The following PCDHGA4 variants were observed in gnomAD, a reference collection of about 807,000 sequenced individuals.
PCDHGA4 encodes the protein protocadherin gamma-A4.
PCDHGA4 carries 38 observed loss-of-function variants against 54.6 expected under a neutral mutation model. The observed-to-expected ratio is 0.70, with a 90% CI of 0.54 to 0.91. The LOEUF (loss-of-function observed/expected upper bound fraction) is 0.91, where lower values mean the gene tolerates loss of function less well. PCDHGA4 is among the 40% of genes least tolerant of loss of function. The pLI is 0.00. For missense variants in PCDHGA4, 1,298 were observed against 1,220.9 expected (o/e 1.06, Z -0.94); for synonymous variants, 511 against 512.9 (o/e 1.00, Z 0.05).
At chr5:141,377,892 CT>C (rs946360367) in intron 1 of PCDHGA4, 2 of 152,170 alleles carry the variant, frequency 1.3e-5, no homozygotes, top group Non-Finnish European at 2.9e-5. Context: ...TAGGATCCCC[CT>C]CTGTTGCCCA....
chr5:141,433,305 C>T, intron 1 of PCDHGA4: 1 of 931,032 alleles, frequency 1.1e-6, no homozygotes, highest in Non-Finnish European at 1.6e-6. Flanking sequence ...GCAATTATCC[C>T]ACCTTTGCCT....
In PCDHGA4 at chr5:141,491,856, C is replaced by A. The variant is rs754113958; in HGVS notation, c.2515-2951C>A. On this transcript the variant is annotated intron_variant, in intron 1 of 3. Coordinates refer to ENST00000571252, the MANE Select transcript of PCDHGA4 (RefSeq NM_018917.4). This position sits in a 1 kb window ranked among gnomAD's most constrained non-coding sequence, Gnocchi z 6.9. ...TCTCGGGATCATTGGACCGTTTGCG[C>A]GAAACCAGAGTGGCCGATTAAGGGA... 6.9e-7 allele frequency: 1 copy of A among 1,458,728 alleles called. No individual in the cohort carries two copies. The highest frequency in any genetic ancestry group is 9.1e-7 in the Non-Finnish European group (1 of 1,103,072). The allele number at this position is 1,458,728 out of a possible 1,614,324, so 90.4% of individuals were successfully genotyped here. A position where few individuals can be genotyped will look rare whatever the true frequency, so the allele number is the denominator to read the frequency against.
chr5:141,468,458 G>A (rs1047447240), intron 1 of PCDHGA4: 3 of 152,134 alleles, frequency 2.0e-5, no homozygotes, highest in African/African-American at 7.2e-5. Flanking sequence ...ATTAAAGCAA[G>A]TTATTTCTGA....
intron 1 of PCDHGA4, chr5:141,419,197 T>C (rs560134083): frequency 1.2e-6 from 2 of 1,613,966 alleles, no homozygotes; most frequent in South Asian, 1.1e-5. Flanking sequence ...CTGACGTCAA[T>C]GACAACGCGC....
chr5:141,355,698 C>G lies in PCDHGA4; in HGVS notation c.591C>G (p.Ser197=), dbSNP rs781213427. ...EAFDPDVGVN[S]LQGYQLNSNG... is the part of the protein sequence containing the mutation. The stretch of plus-strand genomic sequence containing the variant: ...TTGATCCGGATGTAGGTGTAAACTC[C>G]CTGCAGGGTTACCAGCTCAACTCAA... The change falls in exon 1 of 4, where the codon TCC becomes TCG. Residue 197 remains serine, a synonymous_variant. Transcript: ENST00000571252. 6.2e-7 allele frequency: 1 copy of G among 1,613,810 alleles called. No individual in the cohort carries two copies. Among genetic ancestry groups the G allele is most frequent in the Non-Finnish European group, 8.5e-7 (1 of 1,179,880 alleles).
intron 1 of PCDHGA4, chr5:141,423,195 G>A: frequency 1.2e-6 from 2 of 1,613,544 alleles, no homozygotes; most frequent in Non-Finnish European, 8.5e-7. Flanking sequence ...CCCCTCTCTC[G>A]GCCACCGTCA....
At position 141,390,019 on chromosome 5, in the gene PCDHGA4, G is replaced by A. The variant is rs1047341984; in HGVS notation, c.2514+32398G>A. The A allele has an allele frequency of 1.9e-6, 3 of 1,614,002 alleles. No individual in the cohort carries two copies. Among genetic ancestry groups the A allele is most frequent in the Non-Finnish European group, 2.5e-6 (3 of 1,179,896 alleles). Reference sequence around the variant, plus strand: ...GCCATGATTCTGGCCATTGCCTTGCGCCTGCGACGCTCCTCCAGCCCCGCC... The same window carrying A: ...GCCATGATTCTGGCCATTGCCTTGCACCTGCGACGCTCCTCCAGCCCCGCC... On this transcript the variant is annotated intron_variant, in intron 1 of 3. Transcript: ENST00000571252.
In PCDHGA4 at chr5:141,471,046, CTTT is replaced by C. The variant is rs1170588345; in HGVS notation, c.2515-23743_2515-23741del. ...ATTTTTATTAACAAGCCCAAGCCCT[CTTT>C]TTTTTTTTTTTTTTTTTGAGACAGG... On this transcript the variant is annotated intron_variant, in intron 1 of 3. Coordinates refer to ENST00000571252, the MANE Select transcript of PCDHGA4 (RefSeq NM_018917.4). 4.8e-4 allele frequency among the ~76,000 whole-genome samples: 54 copies of C among 113,240 alleles called. 1 individual carries two copies. Among genetic ancestry groups the C allele is most frequent in the Middle Eastern group, 5.2e-3 (1 of 192 alleles). 74.3% of individuals were successfully genotyped at this position (113,240 alleles called of 152,430 possible).
Position 141,477,662 on chromosome 5 carries a change from A to G in PCDHGA4, c.2515-17145A>G. On this transcript the variant is annotated intron_variant, in intron 1 of 3. Transcript: ENST00000571252. The surrounding 1 kb of genome is among the most constrained non-coding windows in gnomAD (Gnocchi z 4.9). ...TCGCTATTTCACAATAAATCGTGAC[A>G]ATGGCATAGTGTCATCCTTAGTGCC... The G allele has an allele frequency of 6.2e-7, 1 of 1,614,222 alleles. No individual in the cohort carries two copies.
chr5:141,500,501 G>T (rs571735791), intron 2 of PCDHGA4, among the ~76,000 whole-genome samples: 6 of 152,176 alleles, frequency 3.9e-5, no homozygotes, highest in Non-Finnish European at 8.8e-5. Context: ...GAGCCACCGC[G>T]CCTGGCCGAG....
chr5:141,499,725 C>T (rs554409998), intron 2 of PCDHGA4, among the ~76,000 whole-genome samples: 3 of 138,474 alleles, frequency 2.2e-5, no homozygotes, highest in African/African-American at 5.4e-5. Context: ...GACAGAGTCT[C>T]ACTCTCTTGC....
rs1368632691 is a variant in PCDHGA4 at position 141,485,071 on chromosome 5, C to A, written c.2515-9736C>A. ...GCCGGCCGAACCGCGCCAGAGCTGG[C>A]GCGGGGAAAGGGAGATAGGTGTCTC... On this transcript the variant is annotated intron_variant, in intron 1 of 3. Coordinates refer to ENST00000571252, the MANE Select transcript of PCDHGA4 (RefSeq NM_018917.4). This position sits in a 1 kb window ranked among gnomAD's most constrained non-coding sequence, Gnocchi z 5.7. 3.3e-6 allele frequency: 3 copies of A among 913,030 alleles called. No individual in the cohort carries two copies. Among genetic ancestry groups the A allele is most frequent in the Non-Finnish European group, 5.1e-6 (3 of 584,604 alleles). 56.6% of individuals were successfully genotyped at this position (913,030 alleles called of 1,614,324 possible).
At chr5:141,410,847 G>GTATTT in intron 1 of PCDHGA4, 1 of 158,252 alleles carries the variant, frequency 6.3e-6, no homozygotes. Flanking sequence ...TTTTGTCTTT[G>GTATTT]TCTTTTTTTT....
intron 1 of PCDHGA4, chr5:141,364,345 T>C: frequency 6.5e-7 from 1 of 1,543,088 alleles, no homozygotes; most frequent in African/African-American, 1.4e-5. Context: ...CGAGTCCACC[T>C]AGGGGCTGGG....
At chr5:141,404,616 A>G (rs940307932) in intron 1 of PCDHGA4, 3 of 1,614,168 alleles carry the variant, frequency 1.9e-6, no homozygotes, top group Non-Finnish European at 2.5e-6. Flanking sequence ...GTTTTGGACC[A>G]GAATGACAAT....
intron 1 of PCDHGA4, chr5:141,475,927 G>A: frequency 1.6e-6 from 1 of 628,480 alleles, no homozygotes; most frequent in South Asian, 2.1e-5. Flanking sequence ...CTGGAGATCG[G>A]GCCCCTGCCC....
At chr5:141,402,737 G>C (rs948478466) in intron 1 of PCDHGA4, among the ~76,000 whole-genome samples, 7 of 152,158 alleles carry the variant, frequency 4.6e-5, no homozygotes, top group African/African-American at 1.4e-4. Flanking sequence ...CGCCGCTGTT[G>C]ATCAACTCTA....
intron 3 of PCDHGA4, among the ~76,000 whole-genome samples, chr5:141,507,790 A>C (rs922507228): frequency 5.9e-5 from 9 of 152,188 alleles, no homozygotes; most frequent in Admixed American, 2.6e-4. Context: ...ACCCTCGTCT[A>C]AGCCTGCGCC....
chr5:141,480,837 G>T (rs1435750544), intron 1 of PCDHGA4, among the ~76,000 whole-genome samples: 2 of 152,168 alleles, frequency 1.3e-5, no homozygotes, highest in African/African-American at 4.8e-5. Flanking sequence ...ATAAGATCAG[G>T]AGTTTGAGAC....
Sources: gnomAD v4.1 joint callset for allele counts (sites outside exome capture counted in the v4.1 genomes callset) on GRCh38, gnomAD v4.1.1 for gene constraint, Gnocchi (gnomAD v3.1) non-coding constraint, MANE v1.5 for transcripts, NCBI Gene and HGNC (gene_info 2026-07-23, HGNC 2026-07-21) for gene names.